Variants in SDK1 observed in about 807,000 individuals in gnomAD.
SDK1 encodes protein sidekick-1.
In SDK1, 157 loss-of-function variants were observed where a neutral mutation model predicts 245.5. That is an observed-to-expected ratio of 0.64 (90% confidence interval 0.56 to 0.73). The LOEUF (loss-of-function observed/expected upper bound fraction) is 0.73, where lower values mean the gene tolerates loss of function less well. SDK1 is among the 30% of genes least tolerant of loss of function. SDK1 has a pLI of 0.00. For missense variants in SDK1, 3,583 were observed against 3,002.3 expected, an observed-to-expected ratio of 1.19 and a Z score of -4.52; for synonymous variants, 1,647 against 1,278.5, an observed-to-expected ratio of 1.29 and a Z score of -6.15.
chr7:4,128,229 A>G (rs1784520379), intron 26 of SDK1, among the ~76,000 whole-genome samples: 1 of 152,034 alleles, frequency 6.6e-6, no homozygotes, highest in South Asian at 2.1e-4. Flanking sequence ...CTGGGTTTTG[A>G]GCGTGCCTCC....
At chr7:3,582,881 T>TAAGACCTC (rs1780553134) in intron 1 of SDK1, among the ~76,000 whole-genome samples, 1 of 152,140 alleles carries the variant, frequency 6.6e-6, no homozygotes, top group Middle Eastern at 3.4e-3. Flanking sequence ...ACTTTATCAT[T>TAAGACCTC]AAGACCTCAG....
chr7:4,208,039 G>A, intron 36 of SDK1, 60 bp from the exon 37 acceptor site: 1 of 1,298,890 alleles, frequency 7.7e-7, no homozygotes, highest in Non-Finnish European at 1.1e-6. Flanking sequence ...ACACTCAGTG[G>A]CCCCCGCTTA....
At position 4,196,393 on chromosome 7, in the gene SDK1, G is replaced by A. The variant is rs548147435; in HGVS notation, c.5099-9486G>A. Among the ~76,000 whole-genome samples the A allele has an allele frequency of 5.9e-5, 9 of 152,350 alleles. 1 individual carries two copies. In the South Asian group the frequency reaches 1.9e-3, roughly 32 times the overall value. On this transcript the variant is annotated intron_variant, in intron 35 of 44. Coordinates refer to ENST00000404826, the MANE Select transcript of SDK1 (RefSeq NM_152744.4). ...ATCTCTCTCATGTACAGCTTTGACT[G>A]TCTCACTCTCTGCTTTCAAACCTTC...
intron 4 of SDK1, among the ~76,000 whole-genome samples, chr7:3,693,205 A>G (rs1479853989): frequency 6.6e-6 from 1 of 152,118 alleles, no homozygotes; most frequent in African/African-American, 2.4e-5. Context: ...CTGTGTGGTT[A>G]TATAAACACC....
chr7:3,855,975 A>T (rs1267237432), intron 5 of SDK1, among the ~76,000 whole-genome samples: 2 of 152,232 alleles, frequency 1.3e-5, no homozygotes, highest in Non-Finnish European at 1.5e-5. Context: ...CTGCATAAAA[A>T]TGAATAATAA....
At chr7:3,791,804 G>A (rs1781100291) in intron 4 of SDK1, among the ~76,000 whole-genome samples, 5 of 152,146 alleles carry the variant, frequency 3.3e-5, no homozygotes, top group Admixed American at 3.3e-4. Flanking sequence ...ATGGAACAAA[G>A]CTCCTCAGTA....
Position 3,349,251 on chromosome 7 carries a change from C to G in SDK1, c.298+47367C>G, listed in dbSNP as rs150317951. 5.8e-3 allele frequency among the ~76,000 whole-genome samples: 881 copies of G among 152,184 alleles called. 9 individuals are homozygous for G. The highest frequency in any genetic ancestry group is 0.02 in the African/African-American group (817 of 41,514). ...CACAACAGCCTATTTAGATGTATAC[C>G]TTTGACTTTATGAGGGCTGTGGTTT... On this transcript the variant is annotated intron_variant, in intron 1 of 44. Coordinates refer to ENST00000404826, the MANE Select transcript of SDK1 (RefSeq NM_152744.4).
At chr7:4,173,329 C>A (rs530166859) in intron 32 of SDK1, among the ~76,000 whole-genome samples, 2 of 152,346 alleles carry the variant, frequency 1.3e-5, no homozygotes, top group Admixed American at 1.3e-4. Flanking sequence ...GAGGACCCTT[C>A]TCAGTCTCAG....
At chr7:3,919,185 C>G (rs1056059218) in intron 5 of SDK1, among the ~76,000 whole-genome samples, 2 of 152,222 alleles carry the variant, frequency 1.3e-5, no homozygotes, top group Non-Finnish European at 2.9e-5. Context: ...AACTGAACAA[C>G]TTAGAGTTCC....
chr7:3,893,941 C>G (rs1376125692), intron 5 of SDK1, among the ~76,000 whole-genome samples: 1 of 152,164 alleles, frequency 6.6e-6, no homozygotes, highest in East Asian at 1.9e-4. Context: ...AGAAGTTCAT[C>G]TGAACTGCCT....
chr7:4,261,607 C>T (rs1267051698), intron 44 of SDK1, among the ~76,000 whole-genome samples: 2 of 152,176 alleles, frequency 1.3e-5, no homozygotes, highest in African/African-American at 2.4e-5. Context: ...AAAGAATGCA[C>T]ATTCCCCGGC....
At chr7:3,759,781 C>G (rs1282819257) in intron 4 of SDK1, among the ~76,000 whole-genome samples, 1 of 151,800 alleles carries the variant, frequency 6.6e-6, no homozygotes, top group African/African-American at 2.4e-5. Flanking sequence ...TTAGCAGAGA[C>G]GGGGTTTCAC....
intron 11 of SDK1, 140 bp downstream of exon 11, chr7:3,969,564 T>C (rs1253421363): frequency 8.8e-6 from 5 of 568,296 alleles, no homozygotes; most frequent in Non-Finnish European, 1.4e-5. Context: ...AACTAATTTA[T>C]AGAAATCTGT....
intron 4 of SDK1, among the ~76,000 whole-genome samples, chr7:3,650,442 G>A (rs375249156): frequency 6.6e-6 from 1 of 152,112 alleles, no homozygotes; most frequent in South Asian, 2.1e-4. Context: ...TGTGTGAATG[G>A]AATCATATGG....
At chr7:4,086,554 G>T (rs749995975) in intron 22 of SDK1, among the ~76,000 whole-genome samples, 5 of 152,130 alleles carry the variant, frequency 3.3e-5, no homozygotes, top group Admixed American at 2.0e-4. Flanking sequence ...TGTGGCTCGG[G>T]ATCCCCTTCC....
intron 3 of SDK1, among the ~76,000 whole-genome samples, chr7:3,639,447 A>G (rs111804406): frequency 1.4e-4 from 21 of 152,206 alleles, no homozygotes; most frequent in Non-Finnish European, 2.5e-4. Context: ...TTTAAAGTAT[A>G]AAGTTCAACC....
chr7:3,698,314 A>G (rs1275525909), intron 4 of SDK1, among the ~76,000 whole-genome samples: 1 of 152,186 alleles, frequency 6.6e-6, no homozygotes, highest in Non-Finnish European at 1.5e-5. Context: ...TGTGGGGCCA[A>G]GGCTTGTGTC....
At chr7:3,679,824 C>G (rs934955778) in intron 4 of SDK1, among the ~76,000 whole-genome samples, 7 of 152,168 alleles carry the variant, frequency 4.6e-5, no homozygotes, top group African/African-American at 1.7e-4. Context: ...TGGCATATAG[C>G]CACTCTGAGA....
At chr7:3,947,437 G>A (rs1027586154) in intron 5 of SDK1, among the ~76,000 whole-genome samples, 2 of 151,938 alleles carry the variant, frequency 1.3e-5, no homozygotes, top group African/African-American at 2.4e-5. Context: ...CTACTGCACA[G>A]CTAGACAGTA....
Sources: gnomAD v4.1 joint callset for allele counts (sites outside exome capture counted in the v4.1 genomes callset) on GRCh38, gnomAD v4.1.1 for gene constraint, MANE v1.5 for transcripts, NCBI Gene and HGNC (gene_info 2026-07-23, HGNC 2026-07-21) for gene names.